Variants in THSD7B observed in about 807,000 individuals in gnomAD.
THSD7B encodes thrombospondin type-1 domain-containing protein 7B.
In THSD7B, 138 loss-of-function variants were observed where a neutral mutation model predicts 213.6. The observed-to-expected ratio is 0.65, with a 90% confidence interval of 0.56 to 0.74. The LOEUF (loss-of-function observed/expected upper bound fraction) is 0.74, where lower values mean the gene tolerates loss of function less well. THSD7B is among the 30% of genes least tolerant of loss of function. THSD7B has a pLI of 0.00. For missense variants in THSD7B, 1,931 were observed against 1,991.5 expected (o/e 0.97, Z 0.58); for synonymous variants, 742 against 687.0 (o/e 1.08, Z -1.25).
chr2:137,556,069 G>A (rs892612991), intron 15 of THSD7B, among the ~76,000 whole-genome samples: 1 of 152,192 alleles, frequency 6.6e-6, no homozygotes, highest in Non-Finnish European at 1.5e-5. Context: ...CGTCTAATTG[G>A]TGTACGTAAA....
chr2:137,608,513 T>A (rs1165021928), intron 17 of THSD7B, among the ~76,000 whole-genome samples: 2 of 152,192 alleles, frequency 1.3e-5, no homozygotes, highest in East Asian at 3.9e-4. Flanking sequence ...TGTTGTTTGA[T>A]CTTTAATTTC....
chr2:137,092,739 A>G (rs188025125), intron 3 of THSD7B, among the ~76,000 whole-genome samples: 2 of 151,924 alleles, frequency 1.3e-5, no homozygotes, highest in African/African-American at 4.8e-5. Context: ...GGTTCAAGCA[A>G]CTCTCCTGCT....
chr2:136,869,760 G>A (rs1683400391), intron 1 of THSD7B, among the ~76,000 whole-genome samples: 1 of 152,134 alleles, frequency 6.6e-6, no homozygotes. Flanking sequence ...AAGACACTTG[G>A]AAATATGATT....
intron 5 of THSD7B, among the ~76,000 whole-genome samples, chr2:137,131,941 A>G (rs955151482): frequency 1.3e-5 from 2 of 151,490 alleles, no homozygotes; most frequent in Admixed American, 6.6e-5. Flanking sequence ...CTTGATGGGG[A>G]TGGCATTGAA....
intron 15 of THSD7B, among the ~76,000 whole-genome samples, chr2:137,529,371 C>G (rs1342256983): frequency 6.6e-6 from 1 of 152,000 alleles, no homozygotes; most frequent in Non-Finnish European, 1.5e-5. Context: ...GGAACTAGCT[C>G]TTTCACCTAA....
At chr2:137,376,291 A>G (rs1685652895) in intron 12 of THSD7B, among the ~76,000 whole-genome samples, 1 of 152,208 alleles carries the variant, frequency 6.6e-6, no homozygotes, top group African/African-American at 2.4e-5. Flanking sequence ...TCAGTCATAC[A>G]CAGGCTTTTT....
At chr2:137,467,092 C>T (rs1428194792) in intron 15 of THSD7B, among the ~76,000 whole-genome samples, 3 of 152,130 alleles carry the variant, frequency 2.0e-5, no homozygotes, top group African/African-American at 4.8e-5. Context: ...TATGTCCATT[C>T]GTGAACTACT....
At chr2:137,276,946 C>T (rs555951512) in intron 12 of THSD7B, among the ~76,000 whole-genome samples, 4 of 152,184 alleles carry the variant, frequency 2.6e-5, no homozygotes, top group African/African-American at 9.6e-5. Context: ...TGGGGATCTA[C>T]AGTGGCTTTG....
intron 1 of THSD7B, among the ~76,000 whole-genome samples, chr2:136,836,708 C>G (rs1485739052): frequency 2.0e-5 from 3 of 152,122 alleles, no homozygotes; most frequent in African/African-American, 7.2e-5. Context: ...CATCTACATG[C>G]TAAAGATGTT....
intron 7 of THSD7B, among the ~76,000 whole-genome samples, chr2:137,189,537 C>A (rs577113516): frequency 7.2e-6 from 1 of 139,682 alleles, no homozygotes; most frequent in South Asian, 2.3e-4. Flanking sequence ...TCTGCTCCAT[C>A]CACAGGGTCC....
intron 7 of THSD7B, among the ~76,000 whole-genome samples, chr2:137,211,331 T>TAG (rs1553479442): frequency 1.6e-4 from 1 of 6,274 alleles, no homozygotes. Flanking sequence ...CTATCCTTCC[T>TAG]ACACACACAC....
chr2:137,281,063 A>G (rs951588539), intron 12 of THSD7B, among the ~76,000 whole-genome samples: 2 of 152,120 alleles, frequency 1.3e-5, no homozygotes, highest in African/African-American at 4.8e-5. Context: ...GATCGAAATC[A>G]CTTGTCTACG....
chr2:136,842,105 A>T (rs1350236379), intron 1 of THSD7B, among the ~76,000 whole-genome samples: 1 of 152,218 alleles, frequency 6.6e-6, no homozygotes, highest in Non-Finnish European at 1.5e-5. Context: ...AATTTGTCAA[A>T]TGAAAGGATT....
At chr2:137,119,653 A>G (rs1184636711) in intron 5 of THSD7B, among the ~76,000 whole-genome samples, 2 of 152,158 alleles carry the variant, frequency 1.3e-5, no homozygotes. Flanking sequence ...CTTCTATGCT[A>G]TTCTGGAGTA....
intron 2 of THSD7B, among the ~76,000 whole-genome samples, chr2:136,883,462 T>C (rs1172699977): frequency 6.6e-6 from 1 of 152,082 alleles, no homozygotes; most frequent in Non-Finnish European, 1.5e-5. Context: ...CATTTTTTTT[T>C]CCCTCAGAGT....
At chr2:137,306,363 G>T (rs558941345) in intron 12 of THSD7B, among the ~76,000 whole-genome samples, 1 of 152,064 alleles carries the variant, frequency 6.6e-6, no homozygotes, top group African/African-American at 2.4e-5. Context: ...ATTTAAACTA[G>T]CCAGGTTGAC....
At position 137,059,337 on chromosome 2, in the gene THSD7B, G is replaced by C. The variant is rs1421377934; in HGVS notation, c.950+2107G>C. 2.0e-5 allele frequency among the ~76,000 whole-genome samples: 3 copies of C among 152,220 alleles called. No individual in the cohort carries two copies. In the East Asian group the frequency reaches 5.8e-4, roughly 29 times the overall value. ...AGGAACACAATTCAGTGTGCAGCAG[G>C]TACATTGGTTACAATTGATGAGCTA... On this transcript the variant is annotated intron_variant, in intron 3 of 27. Coordinates refer to ENST00000409968, the MANE Select transcript of THSD7B (RefSeq NM_001316349.2).
intron 1 of THSD7B, among the ~76,000 whole-genome samples, chr2:136,783,893 T>A (rs747298641): frequency 6.6e-6 from 1 of 152,242 alleles, no homozygotes; most frequent in Non-Finnish European, 1.5e-5. Flanking sequence ...GAGAGTCTTC[T>A]TCATCAATTT....
At chr2:137,166,761 T>C (rs578124982) in intron 6 of THSD7B, among the ~76,000 whole-genome samples, 1 of 152,232 alleles carries the variant, frequency 6.6e-6, no homozygotes, top group Non-Finnish European at 1.5e-5. Flanking sequence ...GTCTGCTAGA[T>C]AGGCTTTCCC....
Sources: allele counts gnomAD v4.1 joint callset (sites outside exome capture counted in the v4.1 genomes callset), GRCh38; gene constraint gnomAD v4.1.1; transcripts MANE v1.5; gene names NCBI Gene and HGNC (gene_info 2026-07-23, HGNC 2026-07-21).